The following TRAPPC9 variants were observed in gnomAD, a reference collection of about 807,000 sequenced individuals.
TRAPPC9 encodes trafficking protein particle complex subunit 9, also known as IKK2 binding protein.
A neutral mutation model predicts 124.0 loss-of-function variants in TRAPPC9; 83 were observed. The observed-to-expected ratio is 0.67, with a 90% CI of 0.56 to 0.80. The LOEUF is 0.80. Ranked by LOEUF, TRAPPC9 falls within the 30% of genes least tolerant of loss-of-function variation. TRAPPC9 has a pLI of 0.00. For synonymous variants in TRAPPC9, 638 were observed against 617.5 expected, an observed-to-expected ratio of 1.03 and a Z score of -0.49; for missense variants, 1,302 against 1,508.3, an observed-to-expected ratio of 0.86 and a Z score of 2.27.
At chr8:139,756,536 G>T (rs866093743) in intron 21 of TRAPPC9, among the ~76,000 whole-genome samples, 30 of 137,474 alleles carry the variant, frequency 2.2e-4, no homozygotes, top group South Asian at 2.5e-4. Flanking sequence ...CAGGTCGCAG[G>T]AGGAGCCAGG....
intron 17 of TRAPPC9, among the ~76,000 whole-genome samples, chr8:140,120,388 T>G (rs2060961393): frequency 6.6e-6 from 1 of 152,244 alleles, no homozygotes; most frequent in Non-Finnish European, 1.5e-5. Context: ...ATTTCCCTGA[T>G]TAGCAAGCTG....
At chr8:140,458,099 G>A (rs866320954), upstream of TRAPPC9, among the ~76,000 whole-genome samples, 1 of 136,496 alleles carries the variant, frequency 7.3e-6, no homozygotes, top group Non-Finnish European at 1.6e-5. Context: ...GAGGAGGGAG[G>A]AGGGAGGGAA....
chr8:140,299,342 G>A (rs1405587586), intron 11 of TRAPPC9, among the ~76,000 whole-genome samples: 2 of 152,358 alleles, frequency 1.3e-5, no homozygotes, highest in Non-Finnish European at 2.9e-5. Context: ...GTAACTCGGG[G>A]TGTGGGTGAG....
chr8:139,896,335 A>G (rs898803), intron 20 of TRAPPC9, among the ~76,000 whole-genome samples: 90,266 of 152,050 alleles, frequency 0.59, 27,502 homozygotes, highest in African/African-American at 0.74. Flanking sequence ...TGATGATGAC[A>G]ATAGTAGTTC....
intron 17 of TRAPPC9, among the ~76,000 whole-genome samples, chr8:140,149,838 A>AAC (rs554020343): frequency 9.2e-4 from 7 of 7,570 alleles, no homozygotes; most frequent in South Asian, 0.071. Flanking sequence ...TACGAGTGCG[A>AAC]GCAGTGGAGC....
intron 21 of TRAPPC9, among the ~76,000 whole-genome samples, chr8:139,867,996 G>C (rs569080978): frequency 6.6e-6 from 1 of 152,296 alleles, no homozygotes; most frequent in South Asian, 2.1e-4. Flanking sequence ...ACAAGAGAAT[G>C]TCCTTGTTCG....
chr8:140,405,871 C>T (rs2132433304), intron 5 of TRAPPC9, among the ~76,000 whole-genome samples, 173 bp from the exon 6 acceptor site: 1 of 152,286 alleles, frequency 6.6e-6, no homozygotes, highest in Middle Eastern at 3.4e-3. Flanking sequence ...GCTATCAAAG[C>T]ATTGTATTAA....
In TRAPPC9 at chr8:140,050,646, C is replaced by T. The variant is rs527244685; in HGVS notation, c.2557-26567G>A. ...CCCTTCCTCATCCCCAGCACCTCCA[C>T]CCGGGGCACAGGAAATGCTCATGAA... On this transcript the variant is annotated intron_variant, in intron 17 of 22. Transcript: ENST00000438773. Among the ~76,000 whole-genome samples, 69 of 152,258 alleles carry T rather than the reference C, an allele frequency of 4.5e-4. No individual in the cohort carries two copies. In the South Asian group the frequency reaches 8.5e-3, roughly 19 times the overall value.
At position 139,812,174 on chromosome 8, in the gene TRAPPC9, G is replaced by A. The variant is rs567322839; in HGVS notation, c.3055+73705C>T. 2.2e-4 allele frequency among the ~76,000 whole-genome samples: 33 copies of A among 152,244 alleles called. No homozygotes were observed. The South Asian group carries it at 3.9e-3, about 18-fold the overall frequency. On this transcript the variant is annotated intron_variant, in intron 21 of 22. Coordinates refer to ENST00000438773, the MANE Select transcript of TRAPPC9 (RefSeq NM_001160372.4). ...GATGGAAAGTTCAAGAAAAATTAGC[G>A]TCACAGAAAAATAAACACTGCAGAA...
At chr8:140,399,432 G>A (rs181058600) in intron 6 of TRAPPC9, among the ~76,000 whole-genome samples, 8 of 152,314 alleles carry the variant, frequency 5.3e-5, no homozygotes, top group African/African-American at 1.9e-4. Flanking sequence ...AAAGCCACAG[G>A]GGCAGGGTTG....
Position 139,776,348 on chromosome 8 carries a change from G to T in TRAPPC9, c.3056-44146C>A, listed in dbSNP as rs150649515. ...GCTGCTATGTGACGTCATCTCACTC[G>T]TCACAACATAGTATTGATCGGTTTG... On this transcript the variant is annotated intron_variant, in intron 21 of 22. Coordinates refer to ENST00000438773, the MANE Select transcript of TRAPPC9 (RefSeq NM_001160372.4). This position sits in a 1 kb window ranked among gnomAD's most constrained non-coding sequence, Gnocchi z 4.1. Among the ~76,000 whole-genome samples, 214 of 152,312 alleles carry T rather than the reference G, an allele frequency of 1.4e-3. No individual in the cohort carries two copies. The highest frequency in any genetic ancestry group is 5.0e-3 in the African/African-American group (208 of 41,566).
intron 19 of TRAPPC9, among the ~76,000 whole-genome samples, chr8:139,940,012 C>T (rs6983691): frequency 0.16 from 24,056 of 152,170 alleles, 2,163 homozygotes; most frequent in South Asian, 0.24. Context: ...AATGACAGCT[C>T]AATTTGTTGT....
chr8:140,195,340 A>G (rs1409354312), intron 17 of TRAPPC9, among the ~76,000 whole-genome samples: 2 of 152,102 alleles, frequency 1.3e-5, no homozygotes, highest in Non-Finnish European at 2.9e-5. Context: ...GTAACACTAA[A>G]ACACACTCAA....
intron 16 of TRAPPC9, among the ~76,000 whole-genome samples, chr8:140,230,476 G>T (rs1314124482): frequency 6.6e-6 from 1 of 152,116 alleles, no homozygotes; most frequent in Admixed American, 6.5e-5. Context: ...GCTGGGCATG[G>T]TGGCAGGCGC....
chr8:140,367,806 G>A (rs1396643650), intron 8 of TRAPPC9, among the ~76,000 whole-genome samples: 1 of 152,156 alleles, frequency 6.6e-6, no homozygotes, highest in Non-Finnish European at 1.5e-5. Context: ...GTTAACAGTG[G>A]GGAAGTCTGT....
At chr8:140,106,338 G>C (rs1044077061) in intron 17 of TRAPPC9, among the ~76,000 whole-genome samples, 1 of 151,764 alleles carries the variant, frequency 6.6e-6, no homozygotes. Context: ...AACTGATTTC[G>C]ACTGAAGATC....
At chr8:140,229,180 A>T (rs1204443441) in intron 16 of TRAPPC9, among the ~76,000 whole-genome samples, 1 of 152,062 alleles carries the variant, frequency 6.6e-6, no homozygotes, top group Non-Finnish European at 1.5e-5. Context: ...AAGAATGGGA[A>T]ACACAGAAAG....
intron 20 of TRAPPC9, among the ~76,000 whole-genome samples, chr8:139,887,586 C>T (rs7828084): frequency 0.022 from 3,284 of 152,256 alleles, 110 homozygotes; most frequent in African/African-American, 0.075. Flanking sequence ...TCTCTGAATT[C>T]CAAGCCTCCC....
chr8:140,347,911 A>G (rs1415477459), intron 9 of TRAPPC9, among the ~76,000 whole-genome samples: 1 of 152,182 alleles, frequency 6.6e-6, no homozygotes, highest in Non-Finnish European at 1.5e-5. Context: ...CTGTTTTGAA[A>G]TTGTTCCAGG....
Sources: allele counts gnomAD v4.1 joint callset (sites outside exome capture counted in the v4.1 genomes callset), GRCh38; gene constraint gnomAD v4.1.1; non-coding constraint Gnocchi (gnomAD v3.1); transcripts MANE v1.5; gene names NCBI Gene and HGNC (gene_info 2026-07-23, HGNC 2026-07-21).